Variants in EGFR observed in about 807,000 individuals in gnomAD.
EGFR encodes the protein avian erythroblastic leukemia viral (v-erb-b) oncogene homolog.
EGFR carries 58 observed loss-of-function variants against 143.0 expected under a neutral mutation model. The observed-to-expected ratio is 0.41, with a 90% CI of 0.33 to 0.50. EGFR has a LOEUF of 0.50. Ranked by LOEUF, EGFR falls within the 20% of genes least tolerant of loss-of-function variation. The pLI, the probability that EGFR is intolerant of heterozygous loss-of-function variation, is 0.39. For missense variants in EGFR, 1,307 were observed against 1,579.0 expected (o/e 0.83, Z 2.92); for synonymous variants, 613 against 594.4 (o/e 1.03, Z -0.45).
At chr7:55,042,600 T>C (rs914499916) in intron 1 of EGFR, among the ~76,000 whole-genome samples, 4 of 152,122 alleles carry the variant, frequency 2.6e-5, no homozygotes, top group African/African-American at 9.7e-5. Context: ...AGGGGGTTAA[T>C]GCAGGTCACT....
chr7:55,196,299 G>C (rs1787617076), intron 22 of EGFR, among the ~76,000 whole-genome samples: 1 of 149,104 alleles, frequency 6.7e-6, no homozygotes, highest in South Asian at 2.2e-4. Context: ...TCATATACTT[G>C]TTGGCTGCAT....
At chr7:55,068,887 G>T (rs1382968725) in intron 1 of EGFR, among the ~76,000 whole-genome samples, 1 of 152,178 alleles carries the variant, frequency 6.6e-6, no homozygotes, top group African/African-American at 2.4e-5. Flanking sequence ...TCAGGGACAG[G>T]GGTGAGTGGT....
chr7:55,141,091 A>G (rs112835098), intron 1 of EGFR, among the ~76,000 whole-genome samples: 60 of 152,354 alleles, frequency 3.9e-4, no homozygotes, highest in African/African-American at 9.6e-4. Context: ...GTGCTCTACC[A>G]CCTGGTTACT....
intron 3 of EGFR, 53 bp downstream of exon 3, chr7:55,143,541 C>T (rs553985992): frequency 4.0e-4 from 638 of 1,596,652 alleles, no homozygotes; most frequent in Non-Finnish European, 5.1e-4. Context: ...ACAGCAGTTC[C>T]GATGGCTCCC....
chr7:55,149,967 T>C (rs1023004780), intron 4 of EGFR, among the ~76,000 whole-genome samples: 1 of 152,224 alleles, frequency 6.6e-6, no homozygotes, highest in Admixed American at 6.5e-5. Flanking sequence ...ATGTCTATAT[T>C]GATTAACTCT....
At chr7:55,170,526 G>T (rs778870778) in intron 15 of EGFR, 2 of 1,613,328 alleles carry the variant, frequency 1.2e-6, no homozygotes, top group Admixed American at 1.7e-5. Context: ...TGATCATCAC[G>T]GCCTCCTCCT....
chr7:55,161,639 G>T lies in EGFR; in HGVS notation c.1631+8G>T, dbSNP rs1562772255. 1 of 1,614,264 alleles carries T rather than the reference G, an allele frequency of 6.2e-7. No homozygotes were observed. The highest frequency in any genetic ancestry group is 8.5e-7 in the Non-Finnish European group (1 of 1,180,046). On this transcript the variant is annotated splice_region_variant and intron_variant, in intron 13 of 27. Coordinates refer to ENST00000275493, the MANE Select transcript of EGFR (RefSeq NM_005228.5). ...GTGCAACCTTCTGGAGGGGTAGGAG[G>T]TTATTTCTTTAATCCCCTTGCGTTG... is the stretch of plus-strand genomic sequence containing the variant.
chr7:55,116,324 C>T (rs1448708739), intron 1 of EGFR, among the ~76,000 whole-genome samples: 2 of 152,180 alleles, frequency 1.3e-5, no homozygotes, highest in African/African-American at 2.4e-5. Context: ...CACCCCTGGC[C>T]GCTGTCCACA....
chr7:55,131,394 C>T (rs1046441434), intron 1 of EGFR, among the ~76,000 whole-genome samples: 4 of 151,852 alleles, frequency 2.6e-5, no homozygotes, highest in Non-Finnish European at 5.9e-5. Context: ...AAAAAGCAAG[C>T]AGTGGACTGC....
rs759219499 is a variant in EGFR at position 55,142,355 on chromosome 7, G to T, written c.158G>T (p.Arg53Met). The T allele has an allele frequency of 6.2e-7, 1 of 1,614,198 alleles. No individual in the cohort carries two copies. Among genetic ancestry groups the T allele is most frequent in the Non-Finnish European group, 8.5e-7 (1 of 1,180,032 alleles). ...TFEDHFLSLQ[R>M]MFNNCEVVLG... The stretch of plus-strand genomic sequence containing the variant: ...GAAGATCATTTTCTCAGCCTCCAGA[G>T]GATGTTCAATAACTGTGAGGTGGTC... Residue 53 changes from arginine (R) to methionine (M), a missense_variant, in exon 2 of 28, where the codon AGG (arginine) becomes ATG (methionine). Physicochemically the swap from Arg to Met is moderately conservative, Grantham distance 91 (BLOSUM62 -1). Around this residue, in one of 7 missense-constraint regions of EGFR, gnomAD observed 311 missense variants for 412.3 expected, o/e 0.75. Transcript: ENST00000275493.
chr7:55,167,756 A>G (rs1047769066), intron 15 of EGFR, among the ~76,000 whole-genome samples: 8 of 152,160 alleles, frequency 5.3e-5, no homozygotes, highest in African/African-American at 1.9e-4. Context: ...TTGAGACATG[A>G]TGATGATTTG....
intron 1 of EGFR, among the ~76,000 whole-genome samples, chr7:55,112,598 G>A (rs1220512430): frequency 6.6e-6 from 1 of 152,224 alleles, no homozygotes; most frequent in Non-Finnish European, 1.5e-5. Context: ...TGGAGTGGCT[G>A]GCCGAGCCTC....
chr7:55,065,135 C>G (rs533626014), intron 1 of EGFR, among the ~76,000 whole-genome samples: 2 of 152,318 alleles, frequency 1.3e-5, no homozygotes, highest in African/African-American at 4.8e-5. Context: ...TCGCTTAATA[C>G]TGGGAGAGCC....
chr7:55,105,586 G>A (rs1054270408), intron 1 of EGFR, among the ~76,000 whole-genome samples: 3 of 152,136 alleles, frequency 2.0e-5, no homozygotes, highest in African/African-American at 7.2e-5. Context: ...ACAAATGATA[G>A]CCTTGTGAAC....
chr7:55,157,704 C>T lies in EGFR; in HGVS notation c.1249C>T (p.Leu417Phe), dbSNP rs2128939676. 6.2e-7 allele frequency: 1 copy of T among 1,614,220 alleles called. No individual in the cohort carries two copies. The highest frequency in any genetic ancestry group is 8.5e-7 in the Non-Finnish European group (1 of 1,180,032). The change falls in exon 11 of 28, where the codon CTC (leucine) becomes TTC (phenylalanine). Residue 417 changes from leucine to phenylalanine, a missense_variant. Leu to Phe is a conservative substitution (Grantham distance 22). Coordinates refer to ENST00000275493, the MANE Select transcript of EGFR (RefSeq NM_005228.5). ...GGCTTGGCCTGAAAACAGGACGGAC[C>T]TCCATGCCTTTGAGAACCTAGAAAT... ...IQAWPENRTD[L>F]HAFENLEIIR...
chr7:55,105,931 TCA>T (rs1792098585), intron 1 of EGFR, among the ~76,000 whole-genome samples: 1 of 152,212 alleles, frequency 6.6e-6, no homozygotes, highest in Non-Finnish European at 1.5e-5. Flanking sequence ...GTGAGATAAC[TCA>T]GATGTGGAGA....
At chr7:55,171,414 A>G (rs1030577081) in intron 16 of EGFR, among the ~76,000 whole-genome samples, 1 of 152,150 alleles carries the variant, frequency 6.6e-6, no homozygotes, top group South Asian at 2.1e-4. Context: ...CTTTGTCCTC[A>G]GTGGAGGGAA....
At chr7:55,019,642 C>G (rs897486715) in intron 1 of EGFR, among the ~76,000 whole-genome samples, 1 of 152,090 alleles carries the variant, frequency 6.6e-6, no homozygotes, top group Non-Finnish European at 1.5e-5. Context: ...TCCGGCGCCC[C>G]GAACCGCTCC....
At chr7:55,071,923 C>G (rs1789855985) in intron 1 of EGFR, among the ~76,000 whole-genome samples, 1 of 152,206 alleles carries the variant, frequency 6.6e-6, no homozygotes, top group South Asian at 2.1e-4. Context: ...TATTCAGTAA[C>G]TTAGCAACAC....
Sources: gnomAD v4.1 joint callset for allele counts (sites outside exome capture counted in the v4.1 genomes callset) on GRCh38, gnomAD v4.1.1 for gene constraint, gnomAD v4.1.1 regional missense constraint, MANE v1.5 for transcripts, NCBI Gene and HGNC (gene_info 2026-07-23, HGNC 2026-07-21) for gene names.